Variants in SBK1 observed in about 807,000 individuals in gnomAD.
The protein encoded by SBK1 is SH3 domain binding kinase 1.
Under a neutral mutation model 24.4 loss-of-function variants are expected in SBK1, and 11 were observed. The ratio of observed to expected loss-of-function variants is 0.45; its 90% CI spans 0.28 to 0.75. SBK1 has a LOEUF of 0.75. Among genes scored for constraint, SBK1 ranks in the 30% least tolerant of loss-of-function variants. The probability of loss-of-function intolerance (pLI) is 0.12; values close to 1 mark genes in which losing one functional copy is unlikely to be tolerated. For synonymous variants in SBK1, 308 were observed against 284.4 expected, an observed-to-expected ratio of 1.08 and a Z score of -0.83; for missense variants, 467 against 620.5, an observed-to-expected ratio of 0.75 and a Z score of 2.63.
At chr16:28,298,201 C>A (rs2044654223) in intron 1 of SBK1, among the ~76,000 whole-genome samples, 1 of 152,232 alleles carries the variant, frequency 6.6e-6, no homozygotes, top group Non-Finnish European at 1.5e-5. Flanking sequence ...CCTCCCCAGC[C>A]ACCCTCCCAT....
chr16:28,262,486 G>A (rs185564880), intron 1 of SBK1, among the ~76,000 whole-genome samples: 45 of 152,340 alleles, frequency 3.0e-4, no homozygotes, highest in Non-Finnish European at 5.7e-4. Context: ...TGTGGATTCA[G>A]TACATTTTCC....
At position 28,321,184 on chromosome 16, in the gene SBK1, CACACACACACACACA is replaced by C; in HGVS notation, c.*264_*278del. 1 of 3,424 alleles carries C rather than the reference CACACACACACACACA, an allele frequency of 2.9e-4. No individual in the cohort carries two copies. The highest frequency in any genetic ancestry group is 0.014 in the East Asian group (1 of 74). 0.2% of individuals were successfully genotyped at this position (3,424 alleles called of 1,614,324 possible). Reference sequence around the variant, plus strand: ...CGAGAATTCGGAGGCCACCACACAACACACACACACACACACACACACACACACACACACACACAC... The same window carrying C: ...CGAGAATTCGGAGGCCACCACACAACCACACACACACACACACACACACAC... On this transcript the variant is annotated 3_prime_UTR_variant, in exon 4 of 4. Coordinates refer to ENST00000341901, the MANE Select transcript of SBK1 (RefSeq NM_001024401.3).
At chr16:28,262,203 G>A (rs1200329120) in intron 1 of SBK1, among the ~76,000 whole-genome samples, 4 of 152,112 alleles carry the variant, frequency 2.6e-5, no homozygotes, top group Non-Finnish European at 4.4e-5. Flanking sequence ...CACCTTGGGG[G>A]CTTAGAGAAA....
chr16:28,304,116 C>T (rs2044698976), intron 1 of SBK1, among the ~76,000 whole-genome samples: 1 of 152,208 alleles, frequency 6.6e-6, no homozygotes, highest in Non-Finnish European at 1.5e-5. Flanking sequence ...CTGTACAAGG[C>T]TACTCATTGT....
intron 1 of SBK1, among the ~76,000 whole-genome samples, chr16:28,310,908 C>T (rs1310378756): frequency 6.6e-6 from 1 of 152,184 alleles, no homozygotes; most frequent in East Asian, 1.9e-4. Context: ...GGATCAAGGC[C>T]AAGCCTCAAG....
chr16:28,262,535 A>C (rs2044404036), intron 1 of SBK1, among the ~76,000 whole-genome samples: 1 of 152,190 alleles, frequency 6.6e-6, no homozygotes, highest in Non-Finnish European at 1.5e-5. Context: ...GGCCACTGCG[A>C]TGAATGTGAC....
intron 1 of SBK1, among the ~76,000 whole-genome samples, chr16:28,266,518 C>T (rs747464033): frequency 1.3e-5 from 2 of 152,036 alleles, no homozygotes; most frequent in African/African-American, 2.4e-5. Flanking sequence ...TATGTCAAAA[C>T]TGACACAGAT....
chr16:28,261,246 A>C (rs1017560878), intron 1 of SBK1, among the ~76,000 whole-genome samples: 1 of 152,088 alleles, frequency 6.6e-6, no homozygotes, highest in Admixed American at 6.6e-5. Flanking sequence ...TGAACACTCA[A>C]AATGCTTGTT....
intron 1 of SBK1, among the ~76,000 whole-genome samples, chr16:28,277,728 G>A (rs2044502833): frequency 6.6e-6 from 1 of 152,212 alleles, no homozygotes; most frequent in Admixed American, 6.5e-5. Flanking sequence ...AGCTGGGGAG[G>A]GGATTCATGT....
intron 1 of SBK1, among the ~76,000 whole-genome samples, chr16:28,278,379 T>A (rs2044508542): frequency 6.7e-6 from 1 of 148,470 alleles, no homozygotes; most frequent in Non-Finnish European, 1.5e-5. Context: ...TCCTGCTCTG[T>A]CACCCAGGCT....
chr16:28,268,326 T>A (rs1169992156), intron 1 of SBK1, among the ~76,000 whole-genome samples: 1 of 151,726 alleles, frequency 6.6e-6, no homozygotes, highest in Non-Finnish European at 1.5e-5. Flanking sequence ...CACTGCAGCC[T>A]CCACTTCTGG....
chr16:28,322,970 CTCTCTCTCT>C lies in SBK1; in HGVS notation c.*2050_*2058del, dbSNP rs2044868686. The C allele has an allele frequency of 2.4e-5, 3 of 126,190 alleles. No individual in the cohort carries two copies. Among genetic ancestry groups the C allele is most frequent in the African/African-American group, 5.9e-5 (2 of 34,040 alleles). 7.8% of individuals were successfully genotyped at this position (126,190 alleles called of 1,614,324 possible). ...TCTCTCTCTCTCTCTCTCTCTCTCT[CTCTCTCTCT>C]CCTCTCTTTCTCTCTCTCCCTCTCT... On this transcript the variant is annotated 3_prime_UTR_variant, in exon 4 of 4. Coordinates refer to ENST00000341901, the MANE Select transcript of SBK1 (RefSeq NM_001024401.3).
In SBK1 at chr16:28,317,373, C is replaced by G; in HGVS notation, c.-7-12C>G. 6.2e-7 allele frequency: 1 copy of G among 1,602,638 alleles called. No homozygotes were observed. ...GATGTCACACTTCATGCTCACCACC[C>G]CTACCCAACAGGGAGAAGATGAGCG... On this transcript the variant is annotated splice_polypyrimidine_tract_variant and intron_variant, in intron 1 of 3. Transcript: ENST00000341901. The surrounding 1 kb of genome is among the most constrained non-coding windows in gnomAD (Gnocchi z 4.2).
Position 28,317,451 on chromosome 16 carries a change from G to C in SBK1, c.60G>C (p.Gly20=), listed in dbSNP as rs2044805703. 6.2e-7 allele frequency: 1 copy of C among 1,614,040 alleles called. No individual in the cohort carries two copies. Among genetic ancestry groups the C allele is most frequent in the African/African-American group, 1.3e-5 (1 of 74,926 alleles). ...PPRSLTCCGP[G]TAPGPGAGVP... ...GCTCCCTGACCTGCTGTGGGCCGGG[G>C]ACTGCCCCTGGGCCTGGTGCCGGTG... The change falls in exon 2 of 4, where the codon GGG becomes GGC. Residue 20 remains glycine, a synonymous_variant. Coordinates refer to ENST00000341901, the MANE Select transcript of SBK1 (RefSeq NM_001024401.3). This position sits in a 1 kb window ranked among gnomAD's most constrained non-coding sequence, Gnocchi z 4.2.
chr16:28,287,909 C>T (rs930297191), upstream of SBK1, among the ~76,000 whole-genome samples: 4 of 152,142 alleles, frequency 2.6e-5, no homozygotes, highest in Non-Finnish European at 5.9e-5. Flanking sequence ...AGGTGATCTG[C>T]CCACCTTGGC....
At chr16:28,280,095 C>T (rs1442889853) in intron 1 of SBK1, among the ~76,000 whole-genome samples, 7 of 116,942 alleles carry the variant, frequency 6.0e-5, no homozygotes, top group South Asian at 2.7e-4. Context: ...GGCCACCATG[C>T]CTCCCTAATT....
intron 1 of SBK1, among the ~76,000 whole-genome samples, chr16:28,314,494 A>G (rs2044778532): frequency 6.6e-6 from 1 of 152,212 alleles, no homozygotes; most frequent in East Asian, 1.9e-4. Flanking sequence ...TAGATGAGGA[A>G]ACTGAGGCAC....
At chr16:28,294,246 T>C (rs2044623041) in intron 1 of SBK1, among the ~76,000 whole-genome samples, 1 of 152,082 alleles carries the variant, frequency 6.6e-6, no homozygotes, top group Non-Finnish European at 1.5e-5. Context: ...CTAGGGGACA[T>C]TGTACCCTGA....
intron 1 of SBK1, among the ~76,000 whole-genome samples, chr16:28,264,478 G>T (rs1285475110): frequency 6.6e-6 from 1 of 152,026 alleles, no homozygotes; most frequent in Non-Finnish European, 1.5e-5. Flanking sequence ...GGAGGCTGAG[G>T]CAGGAAAATA....
Sources: gnomAD v4.1 joint callset for allele counts (sites outside exome capture counted in the v4.1 genomes callset) on GRCh38, gnomAD v4.1.1 for gene constraint, Gnocchi (gnomAD v3.1) non-coding constraint, MANE v1.5 for transcripts, NCBI Gene and HGNC (gene_info 2026-07-23, HGNC 2026-07-21) for gene names.